EYS: variants seen among roughly 807,000 people sequenced by gnomAD.
EYS encodes EGF-like photoreceptor maintenance factor.
In EYS, 250 loss-of-function variants were observed where a neutral mutation model predicts 282.1. The ratio of observed to expected loss-of-function variants is 0.89; its 90% CI spans 0.80 to 0.98. The LOEUF (loss-of-function observed/expected upper bound fraction) is 0.98, where lower values mean the gene tolerates loss of function less well. EYS is among the 50% of genes least tolerant of loss of function. The pLI is 0.00. For synonymous variants in EYS, 1,355 were observed against 1,282.9 expected, an observed-to-expected ratio of 1.06 and a Z score of -1.20; for missense variants, 4,016 against 3,709.0, an observed-to-expected ratio of 1.08 and a Z score of -2.15.
At chr6:64,779,168 G>T (rs986799098) in intron 22 of EYS, among the ~76,000 whole-genome samples, 1 of 152,074 alleles carries the variant, frequency 6.6e-6, no homozygotes, top group Non-Finnish European at 1.5e-5. Flanking sequence ...TTGAAAATTT[G>T]TGTACACTCA....
Position 64,626,163 on chromosome 6 carries a change from A to G in EYS, c.3526T>C (p.Cys1176Arg). ...ACATATCCATTGATGTGATCTTCACAGTCTGCACCATGTAGACATGGTGAT... is the reference window on the plus strand; with the variant it reads ...ACATATCCATTGATGTGATCTTCACGGTCTGCACCATGTAGACATGGTGAT... Reference protein sequence around the residue: ...SSSPCLHGADCEDHINGYVCK... With the variant: ...SSSPCLHGADREDHINGYVCK... Residue 1176 changes from cysteine (C) to arginine (R), a missense_variant, in exon 23 of 43, where the codon TGT becomes CGT. Coordinates refer to ENST00000503581, the MANE Select transcript of EYS (RefSeq NM_001142800.2). The G allele has an allele frequency of 6.5e-7, 1 of 1,546,234 alleles. No homozygotes were observed. Among genetic ancestry groups the G allele is most frequent in the Non-Finnish European group, 8.7e-7 (1 of 1,145,492 alleles).
In EYS at chr6:64,436,275, GA is replaced by G. The variant is rs1774744194; in HGVS notation, c.5836-11del. 8 of 1,508,742 alleles carry G rather than the reference GA, an allele frequency of 5.3e-6. No homozygotes were observed. Among genetic ancestry groups the G allele is most frequent in the South Asian group, 1.3e-5 (1 of 79,384 alleles). 93.5% of individuals were successfully genotyped at this position (1,508,742 alleles called of 1,614,324 possible). On this transcript the variant is annotated splice_polypyrimidine_tract_variant and intron_variant, in intron 27 of 42. Transcript: ENST00000503581. Reference sequence around the variant, plus strand: ...GACAGTAAAAGTGGTACTGTTGGGGGAAAAAATTTTGTCCTCAAACAGTTTT... The same window carrying G: ...GACAGTAAAAGTGGTACTGTTGGGGGAAAAATTTTGTCCTCAAACAGTTTT...
chr6:64,299,369 T>A (rs1479144548), intron 30 of EYS, among the ~76,000 whole-genome samples: 1 of 152,240 alleles, frequency 6.6e-6, no homozygotes, highest in Non-Finnish European at 1.5e-5. Flanking sequence ...AACTCTGTGA[T>A]TGGCACAGCC....
In EYS at chr6:64,343,843, A is replaced by G. The variant is rs185071004; in HGVS notation, c.6079-36761T>C. 2.9e-3 allele frequency among the ~76,000 whole-genome samples: 446 copies of G among 152,240 alleles called. 3 individuals are homozygous for G. Among genetic ancestry groups the G allele is most frequent in the African/African-American group, 0.01 (417 of 41,548 alleles). On this transcript the variant is annotated intron_variant, in intron 29 of 42. Transcript: ENST00000503581. ...ATAAAGAAGAAAAGAGAGAAGAATC[A>G]AATAGACGCAATAAAAAATGATAAA...
chr6:65,631,156 A>T (rs1456491287), intron 2 of EYS, among the ~76,000 whole-genome samples: 1 of 152,198 alleles, frequency 6.6e-6, no homozygotes. Context: ...GGATCAACCA[A>T]GTTTTTGGTG....
chr6:64,534,850 G>A (rs1464724663), intron 26 of EYS, among the ~76,000 whole-genome samples: 1 of 151,480 alleles, frequency 6.6e-6, no homozygotes, highest in Non-Finnish European at 1.5e-5. Flanking sequence ...TAATGAGCTA[G>A]TGATATTGGC....
chr6:64,221,254 G>T (rs191639367), intron 31 of EYS, among the ~76,000 whole-genome samples: 6 of 152,282 alleles, frequency 3.9e-5, no homozygotes, highest in Admixed American at 2.6e-4. Context: ...ACTCCTCAGT[G>T]CAACAATGTT....
chr6:65,072,857 T>A (rs1773939236), intron 12 of EYS, among the ~76,000 whole-genome samples: 1 of 151,252 alleles, frequency 6.6e-6, no homozygotes, highest in Non-Finnish European at 1.5e-5. Flanking sequence ...ATAAAAATGA[T>A]TTGAGAGAAA....
At chr6:64,699,725 C>T (rs112430140) in intron 22 of EYS, among the ~76,000 whole-genome samples, 1 of 151,986 alleles carries the variant, frequency 6.6e-6, no homozygotes, top group Non-Finnish European at 1.5e-5. Context: ...ACCAAAAATT[C>T]CCAAGACTGG....
chr6:64,102,675 C>G (rs928829012), intron 31 of EYS, among the ~76,000 whole-genome samples: 1 of 152,000 alleles, frequency 6.6e-6, no homozygotes, highest in African/African-American at 2.4e-5. Flanking sequence ...AAAGAAAAAT[C>G]TAAACTTTTA....
intron 22 of EYS, among the ~76,000 whole-genome samples, chr6:64,771,000 G>A (rs1026870730): frequency 6.6e-6 from 1 of 151,646 alleles, no homozygotes; most frequent in Admixed American, 6.6e-5. Flanking sequence ...CTGAGCCCTT[G>A]TCTGTTTGAA....
At chr6:64,197,064 A>G (rs1765313709) in intron 31 of EYS, among the ~76,000 whole-genome samples, 2 of 152,102 alleles carry the variant, frequency 1.3e-5, no homozygotes, top group South Asian at 4.1e-4. Context: ...TTCCAAAGAT[A>G]ATATATCACC....
chr6:65,460,363 C>A (rs1764787639), intron 5 of EYS, among the ~76,000 whole-genome samples: 1 of 151,854 alleles, frequency 6.6e-6, no homozygotes, highest in African/African-American at 2.4e-5. Context: ...AAAAATGTAA[C>A]TTCTGTCAAA....
intron 14 of EYS, among the ~76,000 whole-genome samples, chr6:64,992,904 G>T (rs1307558795): frequency 1.3e-5 from 2 of 152,004 alleles, no homozygotes; most frequent in Non-Finnish European, 2.9e-5. Context: ...TTCCAACTTG[G>T]TATACTGAAG....
chr6:65,493,158 G>A (rs1433477960), intron 4 of EYS, among the ~76,000 whole-genome samples: 3 of 152,032 alleles, frequency 2.0e-5, no homozygotes, highest in Admixed American at 6.6e-5. Context: ...CAGGTGATCC[G>A]CCTGCCTCGG....
chr6:64,690,252 G>C (rs1770329454), intron 22 of EYS, among the ~76,000 whole-genome samples: 1 of 152,064 alleles, frequency 6.6e-6, no homozygotes. Flanking sequence ...GACCATCAGA[G>C]AAATGCAAAT....
At chr6:64,581,788 C>G (rs1766077733) in intron 26 of EYS, among the ~76,000 whole-genome samples, 1 of 152,060 alleles carries the variant, frequency 6.6e-6, no homozygotes, top group Admixed American at 6.6e-5. Context: ...CCCTGAAGCC[C>G]ACACTGGATA....
chr6:64,843,705 G>A (rs1454952176), intron 19 of EYS, among the ~76,000 whole-genome samples: 1 of 152,104 alleles, frequency 6.6e-6, no homozygotes, highest in Non-Finnish European at 1.5e-5. Flanking sequence ...CCTTGTTTCA[G>A]ATGAGACTTT....
intron 5 of EYS, among the ~76,000 whole-genome samples, chr6:65,464,918 A>C (rs1436422224): frequency 3.3e-5 from 5 of 152,280 alleles, no homozygotes; most frequent in African/African-American, 1.2e-4. Flanking sequence ...TATCCACATG[A>C]CCTAATTACT....
Sources: allele counts gnomAD v4.1 joint callset (sites outside exome capture counted in the v4.1 genomes callset), GRCh38; gene constraint gnomAD v4.1.1; transcripts MANE v1.5; gene names NCBI Gene and HGNC (gene_info 2026-07-23, HGNC 2026-07-21).